Variants in NPTX2 observed in about 807,000 individuals in gnomAD.
The protein encoded by NPTX2 is neuronal pentraxin-2.
A neutral mutation model predicts 38.1 loss-of-function variants in NPTX2; 23 were observed. The observed-to-expected ratio is 0.60, with a 90% CI of 0.43 to 0.85. The LOEUF is 0.85. Ranked by LOEUF, NPTX2 falls within the 40% of genes least tolerant of loss-of-function variation. NPTX2 has a pLI of 0.00. For missense variants in NPTX2, 553 were observed against 615.3 expected (o/e 0.90, Z 1.07); for synonymous variants, 291 against 287.3 (o/e 1.01, Z -0.13).
intron 3 of NPTX2, among the ~76,000 whole-genome samples, chr7:98,626,291 G>T (rs1791349479): frequency 6.6e-6 from 1 of 152,068 alleles, no homozygotes; most frequent in Admixed American, 6.5e-5. Flanking sequence ...CATTTGAGTG[G>T]CTACGCAAAC....
intron 2 of NPTX2, among the ~76,000 whole-genome samples, chr7:98,623,987 C>T (rs1373804885): frequency 6.6e-6 from 1 of 152,206 alleles, no homozygotes; most frequent in Non-Finnish European, 1.5e-5. Flanking sequence ...AGGAACCAGA[C>T]AGAGCCTCTG....
Position 98,628,877 on chromosome 7 carries a change from A to C in NPTX2, c.*248A>C. On this transcript the variant is annotated 3_prime_UTR_variant, in exon 5 of 5. Transcript: ENST00000265634. ...AGATGCCCCCAAGACACCTGCCCCAAGTGGGTGGATATCTGCCTTCCTGCT... is the reference window on the plus strand; with the variant it reads ...AGATGCCCCCAAGACACCTGCCCCACGTGGGTGGATATCTGCCTTCCTGCT... 2.6e-6 allele frequency: 1 copy of C among 386,080 alleles called. No homozygotes were observed. The allele number at this position is 386,080 out of a possible 1,614,324, so 23.9% of individuals were successfully genotyped here.
In NPTX2 at chr7:98,617,350, G is replaced by C. The variant is rs1791183963; in HGVS notation, c.-112G>C. ...AGGAGACTTCTGCCCCGCGGTGCAC[G>C]CGACCCTCGAGACGACAGCGCGGCT... On this transcript the variant is annotated 5_prime_UTR_variant, in exon 1 of 5. Coordinates refer to ENST00000265634, the MANE Select transcript of NPTX2 (RefSeq NM_002523.3). 3.3e-6 allele frequency: 1 copy of C among 300,974 alleles called. No homozygotes were observed. The highest frequency in any genetic ancestry group is 5.1e-5 in the Admixed American group (1 of 19,502). The allele number at this position is 300,974 out of a possible 1,614,324, so 18.6% of individuals were successfully genotyped here. A position where few individuals can be genotyped will look rare whatever the true frequency, so the allele number is the denominator to read the frequency against.
chr7:98,623,851 T>G (rs1454540326), intron 2 of NPTX2, among the ~76,000 whole-genome samples: 2 of 152,206 alleles, frequency 1.3e-5, no homozygotes, highest in Non-Finnish European at 2.9e-5. Context: ...TATCTGAAGT[T>G]ATAAGATGTG....
At chr7:98,623,311 G>A (rs770974211) in intron 2 of NPTX2, among the ~76,000 whole-genome samples, 1 of 152,222 alleles carries the variant, frequency 6.6e-6, no homozygotes, top group African/African-American at 2.4e-5. Context: ...TGGAATCCAC[G>A]ATGCCTGGAC....
chr7:98,628,938 G>A lies in NPTX2; in HGVS notation c.*309G>A. 1 of 292,654 alleles carries A rather than the reference G, an allele frequency of 3.4e-6. No individual in the cohort carries two copies. Among genetic ancestry groups the A allele is most frequent in the Non-Finnish European group, 6.4e-6 (1 of 156,900 alleles). The allele number at this position is 292,654 out of a possible 1,614,324, so 18.1% of individuals were successfully genotyped here. ...GCAGGTCCAGCAGCCCCTCTTCAGA[G>A]CCCCTGTAAATGCTATCGCAGCCTG... On this transcript the variant is annotated 3_prime_UTR_variant, in exon 5 of 5. Transcript: ENST00000265634.
intron 2 of NPTX2, among the ~76,000 whole-genome samples, chr7:98,620,424 G>A (rs938547848): frequency 2.0e-5 from 3 of 152,156 alleles, no homozygotes; most frequent in Non-Finnish European, 2.9e-5. Flanking sequence ...CCGAGGTGGG[G>A]CAGATGGAGA....
In NPTX2 at chr7:98,627,277, C is replaced by T. The variant is rs1791366211; in HGVS notation, c.1001C>T (p.Thr334Ile). The T allele has an allele frequency of 2.5e-6, 4 of 1,613,888 alleles. No individual in the cohort carries two copies. The highest frequency in any genetic ancestry group is 1.1e-5 in the South Asian group (1 of 91,082). ...EAFQDGEKLG[T>I]GENLAPWHPI... is the part of the protein sequence containing the mutation. ...TTCCAGGACGGAGAGAAGCTGGGCA[C>T]TGGGGAGAACCTGGCCCCCTGGCAC... is the stretch of plus-strand genomic sequence containing the variant. Residue 334 changes from threonine to isoleucine, a missense_variant, in exon 4 of 5, where the codon ACT becomes ATT. By Grantham distance (89) the Thr-to-Ile change is moderately conservative. Coordinates refer to ENST00000265634, the MANE Select transcript of NPTX2 (RefSeq NM_002523.3).
intron 2 of NPTX2, chr7:98,620,149 A>G: frequency 2.2e-6 from 1 of 454,478 alleles, no homozygotes; most frequent in Admixed American, 3.4e-5. Flanking sequence ...GATTCTGTGT[A>G]TCTTTCTCTT....
At chr7:98,624,515 G>A (rs139640111) in intron 2 of NPTX2, among the ~76,000 whole-genome samples, 27 of 152,122 alleles carry the variant, frequency 1.8e-4, no homozygotes, top group South Asian at 4.2e-4. Context: ...TTTTCTGGGC[G>A]TCCTTGGGGC....
In NPTX2 at chr7:98,625,124, C is replaced by T. The variant is rs867398757; in HGVS notation, c.846C>T (p.Ile282=). The T allele has an allele frequency of 5.6e-6, 9 of 1,608,130 alleles. No individual in the cohort carries two copies. Among genetic ancestry groups the T allele is most frequent in the African/African-American group, 1.3e-5 (1 of 74,972 alleles). The change falls in exon 3 of 5, where the codon ATC becomes ATT. Residue 282 remains isoleucine, a synonymous_variant. Coordinates refer to ENST00000265634, the MANE Select transcript of NPTX2 (RefSeq NM_002523.3). ...GGCAGGCCAACGAGATCGTGCTGAT[C>T]GAGTGGGGCAACAACCCCATCGAGC... ...VPGQANEIVL[I]EWGNNPIELL... is the part of the protein sequence containing the mutation.
intron 2 of NPTX2, among the ~76,000 whole-genome samples, chr7:98,624,621 G>A (rs1184295089): frequency 2.6e-5 from 4 of 151,994 alleles, no homozygotes; most frequent in Non-Finnish European, 2.9e-5. Context: ...GCCACTCCCC[G>A]TCTTAGCAGG....
chr7:98,617,559 C>T lies in NPTX2; in HGVS notation c.98C>T (p.Pro33Leu). The change falls in exon 1 of 5, where the codon CCC becomes CTC. Residue 33 changes from proline (P) to leucine (L), a missense_variant. Physicochemically the swap from Pro to Leu is moderately conservative, Grantham distance 98. Coordinates refer to ENST00000265634, the MANE Select transcript of NPTX2 (RefSeq NM_002523.3). Reference sequence around the variant, plus strand: ...AGCCGCTTCGTGTGCACGGCACTGCCCCCAGAGGCGGTGCACGCCGGCTGC... The same window carrying T: ...AGCCGCTTCGTGTGCACGGCACTGCTCCCAGAGGCGGTGCACGCCGGCTGC... Reference protein sequence around the residue: ...PGSRFVCTALPPEAVHAGCPL... With the variant: ...PGSRFVCTALLPEAVHAGCPL... 5 of 1,477,544 alleles carry T rather than the reference C, an allele frequency of 3.4e-6. No homozygotes were observed. Among genetic ancestry groups the T allele is most frequent in the Non-Finnish European group, 4.5e-6 (5 of 1,121,266 alleles). The allele number at this position is 1,477,544 out of a possible 1,614,324, so 91.5% of individuals were successfully genotyped here. A position where few individuals can be genotyped will look rare whatever the true frequency, so the allele number is the denominator to read the frequency against.
At chr7:98,626,874 C>A (rs905096244) in intron 3 of NPTX2, among the ~76,000 whole-genome samples, 4 of 152,190 alleles carry the variant, frequency 2.6e-5, no homozygotes, top group African/African-American at 4.8e-5. Context: ...CGCTGACTTC[C>A]CGAGTTTCTC....
Position 98,619,697 on chromosome 7 carries a change from G to A in NPTX2, c.481G>A (p.Val161Met), listed in dbSNP as rs1232537687. 1 of 1,613,394 alleles carries A rather than the reference G, an allele frequency of 6.2e-7. No individual in the cohort carries two copies. Among genetic ancestry groups the A allele is most frequent in the Non-Finnish European group, 8.5e-7 (1 of 1,180,036 alleles). ...TGGGCTGCCCGGCGACTTCCGCGAG[G>A]TGCTCCAGCAGCGGCTGGGGGAGCT... is the stretch of plus-strand genomic sequence containing the variant. ...NAGLPGDFRE[V>M]LQQRLGELER... The change falls in exon 2 of 5, where the codon GTG becomes ATG. Residue 161 changes from valine (V) to methionine (M), a missense_variant. Coordinates refer to ENST00000265634, the MANE Select transcript of NPTX2 (RefSeq NM_002523.3).
Position 98,627,291 on chromosome 7 carries a change from G to T in NPTX2, c.1015G>T (p.Ala339Ser). 1.9e-6 allele frequency: 3 copies of T among 1,613,892 alleles called. No homozygotes were observed. Among genetic ancestry groups the T allele is most frequent in the Non-Finnish European group, 2.5e-6 (3 of 1,179,918 alleles). The part of the protein sequence containing the change: ...GEKLGTGENL[A>S]PWHPIKPGGV... ...GAAGCTGGGCACTGGGGAGAACCTG[G>T]CCCCCTGGCACCCCATCAAGCCCGG... The change falls in exon 4 of 5, where the codon GCC (alanine) becomes TCC (serine). Residue 339 changes from alanine (A) to serine (S), a missense_variant. Coordinates refer to ENST00000265634, the MANE Select transcript of NPTX2 (RefSeq NM_002523.3).
In NPTX2 at chr7:98,624,977, A is replaced by C. The variant is rs1248980649; in HGVS notation, c.699A>C (p.Thr233=). 6.2e-7 allele frequency: 1 copy of C among 1,613,924 alleles called. No homozygotes were observed. Among genetic ancestry groups the C allele is most frequent in the Non-Finnish European group, 8.5e-7 (1 of 1,180,018 alleles). The change falls in exon 3 of 5, where the codon ACA becomes ACC. Residue 233 remains threonine (T), a synonymous_variant. Coordinates refer to ENST00000265634, the MANE Select transcript of NPTX2 (RefSeq NM_002523.3). ...TCAAGGTGTCCCTCCCACTCCGCAC[A>C]AACTACCTATACGGCAAGATCAAGA... ...DAFKVSLPLR[T]NYLYGKIKKT...
At chr7:98,624,795 C>T in intron 2 of NPTX2, 127 bp from the exon 3 acceptor site, 1 of 1,192,922 alleles carries the variant, frequency 8.4e-7, no homozygotes, top group Non-Finnish European at 1.2e-6. Flanking sequence ...TGGTCGCTTG[C>T]TGGAGGGTCC....
At chr7:98,625,760 C>T (rs1194528824) in intron 3 of NPTX2, among the ~76,000 whole-genome samples, 1 of 152,010 alleles carries the variant, frequency 6.6e-6, no homozygotes, top group Non-Finnish European at 1.5e-5. Context: ...AGCCCATGGC[C>T]ATTGCTGACC....
Sources: allele counts gnomAD v4.1 joint callset (sites outside exome capture counted in the v4.1 genomes callset), GRCh38; gene constraint gnomAD v4.1.1; transcripts MANE v1.5; gene names NCBI Gene and HGNC (gene_info 2026-07-23, HGNC 2026-07-21).